EEA1: variants seen among roughly 807,000 people sequenced by gnomAD.
EEA1 encodes early endosome antigen 1.
Under a neutral mutation model 209.2 loss-of-function variants are expected in EEA1, and 111 were observed. The observed-to-expected ratio is 0.53, with a 90% CI of 0.45 to 0.62. EEA1 has a LOEUF of 0.62. EEA1 is among the 20% of genes least tolerant of loss of function. The pLI is 0.00. For missense variants in EEA1, 1,343 were observed against 1,530.8 expected (o/e 0.88, Z 2.05); for synonymous variants, 536 against 540.6 (o/e 0.99, Z 0.12).
At chr12:92,917,566 A>G (rs1172633579) in intron 1 of EEA1, among the ~76,000 whole-genome samples, 195 of 151,834 alleles carry the variant, frequency 1.3e-3, no homozygotes, top group African/African-American at 3.8e-3. Flanking sequence ...TCACCACCAG[A>G]CCTGCCCTAA....
chr12:92,898,303 A>G (rs1258272770), intron 1 of EEA1, among the ~76,000 whole-genome samples: 4 of 152,206 alleles, frequency 2.6e-5, no homozygotes, highest in Non-Finnish European at 5.9e-5. Flanking sequence ...TAAAGTACTT[A>G]TGTTCTTTAG....
Position 92,779,240 on chromosome 12 carries a change from C to A in EEA1, c.3529G>T (p.Gly1177Ter). 6.2e-7 allele frequency: 1 copy of A among 1,608,702 alleles called. No homozygotes were observed. Among genetic ancestry groups the A allele is most frequent in the Admixed American group, 1.7e-5 (1 of 58,636 alleles). The change falls in exon 25 of 29, where the codon GGA (glycine) becomes TGA (stop). Residue 1177 changes from glycine (G) to a stop codon, truncating the protein, a stop_gained. Transcript: ENST00000322349. LOFTEE classifies it high-confidence loss of function. ...LLIQQKLELQ[G>*]KADSLKAAVE... is the part of the protein sequence containing the mutation. ...GCTGCCTTCAGGGAGTCCGCTTTTCCTTGAAGTTCTAATTTCTGCTGAATT... is the reference window on the plus strand; with the variant it reads ...GCTGCCTTCAGGGAGTCCGCTTTTCATTGAAGTTCTAATTTCTGCTGAATT...
intron 2 of EEA1, among the ~76,000 whole-genome samples, chr12:92,882,926 G>A (rs1206915646): frequency 6.6e-6 from 1 of 152,154 alleles, no homozygotes; most frequent in Non-Finnish European, 1.5e-5. Context: ...GTTTTGTTCA[G>A]ATATATACTC....
chr12:92,848,791 G>A (rs999589044), intron 9 of EEA1, among the ~76,000 whole-genome samples: 1 of 130,340 alleles, frequency 7.7e-6, no homozygotes, highest in Non-Finnish European at 1.6e-5. Context: ...AGAGTGCAGT[G>A]GTGTGATCAT....
At chr12:92,871,433 TTCC>T (rs1469272320) in intron 2 of EEA1, among the ~76,000 whole-genome samples, 1 of 152,218 alleles carries the variant, frequency 6.6e-6, no homozygotes, top group Non-Finnish European at 1.5e-5. Context: ...CATTAAGAAG[TTCC>T]TGTCCTCTTG....
chr12:92,839,815 T>A (rs1877089010), intron 10 of EEA1, among the ~76,000 whole-genome samples: 1 of 152,234 alleles, frequency 6.6e-6, no homozygotes, highest in Admixed American at 6.5e-5. Context: ...AAGAAGTGCT[T>A]GCCAAGGGCA....
At chr12:92,892,329 C>T (rs1879684722) in intron 1 of EEA1, among the ~76,000 whole-genome samples, 1 of 152,062 alleles carries the variant, frequency 6.6e-6, no homozygotes, top group Non-Finnish European at 1.5e-5. Flanking sequence ...TGAGCTCAAA[C>T]GATCTGCCCA....
chr12:92,809,379 G>C (rs540875239), intron 17 of EEA1, among the ~76,000 whole-genome samples: 70 of 151,864 alleles, frequency 4.6e-4, no homozygotes, highest in African/African-American at 1.7e-3. Flanking sequence ...CTGCCACTAA[G>C]TGTTGGTGTT....
At chr12:92,864,566 A>G (rs1442494063) in intron 3 of EEA1, among the ~76,000 whole-genome samples, 1 of 152,218 alleles carries the variant, frequency 6.6e-6, no homozygotes, top group African/African-American at 2.4e-5. Context: ...AGCAAATCGT[A>G]TCATCTTATA....
intron 15 of EEA1, among the ~76,000 whole-genome samples, chr12:92,813,547 C>T (rs1451044474): frequency 6.6e-6 from 1 of 152,088 alleles, no homozygotes. Flanking sequence ...TTCAGTATTC[C>T]CTGATAACTT....
At chr12:92,803,212 A>G (rs1158630136) in intron 18 of EEA1, among the ~76,000 whole-genome samples, 1 of 152,104 alleles carries the variant, frequency 6.6e-6, no homozygotes, top group Non-Finnish European at 1.5e-5. Context: ...CCAGAAAAAA[A>G]TCAAAGAAAG....
rs766309127 is a variant in EEA1, at chr12:92,832,832, G to A, written c.934C>T (p.Leu312=). ...QKNQTLTENL[L]KKEQDYTKLE... is the part of the protein sequence containing the mutation. ...TTAGTATAGTCTTGTTCTTTTTTCA[G>A]CAAGTTTTCTGTCAAGGTCTAAAAT... Residue 312 remains leucine (L), a synonymous_variant, in exon 11 of 29, where the codon CTG becomes TTG. Coordinates refer to ENST00000322349, the MANE Select transcript of EEA1 (RefSeq NM_003566.4). The A allele has an allele frequency of 1.9e-6, 3 of 1,601,654 alleles. No individual in the cohort carries two copies. Among genetic ancestry groups the A allele is most frequent in the Middle Eastern group, 1.7e-4 (1 of 5,992 alleles).
chr12:92,888,061 AC>A (rs1397770966), intron 2 of EEA1, among the ~76,000 whole-genome samples: 1 of 152,204 alleles, frequency 6.6e-6, no homozygotes, highest in Non-Finnish European at 1.5e-5. Context: ...CTTCAATAGA[AC>A]CAAATAGACT....
intron 15 of EEA1, among the ~76,000 whole-genome samples, chr12:92,815,082 C>G (rs567758515): frequency 6.6e-6 from 1 of 152,166 alleles, no homozygotes; most frequent in Middle Eastern, 3.4e-3. Context: ...CTAACACTAG[C>G]TCATAAAGAA....
chr12:92,775,154 G>A lies in EEA1; in HGVS notation c.*857C>T, dbSNP rs1313959835. The A allele has an allele frequency of 2.0e-5, 3 of 151,512 alleles. No individual in the cohort carries two copies. The highest frequency in any genetic ancestry group is 7.3e-5 in the African/African-American group (3 of 41,350). The allele number at this position is 151,512 out of a possible 1,614,324, so 9.4% of individuals were successfully genotyped here. On this transcript the variant is annotated 3_prime_UTR_variant, in exon 29 of 29. Coordinates refer to ENST00000322349, the MANE Select transcript of EEA1 (RefSeq NM_003566.4). ...AAAGACTTCCCACTTACAAGAAACC[G>A]AGAATAAGAACATTATACAATGTTT...
intron 1 of EEA1, among the ~76,000 whole-genome samples, chr12:92,896,240 G>A (rs932506908): frequency 2.0e-5 from 3 of 152,084 alleles, no homozygotes; most frequent in African/African-American, 7.2e-5. Flanking sequence ...CCAAAGTGCC[G>A]GGATTACAGG....
At chr12:92,891,925 C>T (rs1368405068) in intron 1 of EEA1, among the ~76,000 whole-genome samples, 18 of 152,122 alleles carry the variant, frequency 1.2e-4, no homozygotes, top group Non-Finnish European at 1.5e-5. Context: ...TTTTAAGTCA[C>T]TTTAAACAAA....
intron 9 of EEA1, among the ~76,000 whole-genome samples, chr12:92,848,490 A>G (rs1428996186): frequency 1.3e-5 from 2 of 152,086 alleles, no homozygotes; most frequent in African/African-American, 4.8e-5. Flanking sequence ...AAGAAAAACA[A>G]AAAAACTCTA....
chr12:92,785,350 AG>A lies in EEA1; in HGVS notation c.3150+2516del, dbSNP rs145362653. On this transcript the variant is annotated intron_variant, in intron 22 of 28. Transcript: ENST00000322349. The stretch of plus-strand genomic sequence containing the variant: ...CTGGTGTCTAGGTATATACACTGTT[AG>A]CCCATGCTCTACACTGTCAACCCAT... Among the ~76,000 whole-genome samples, 410 of 151,994 alleles carry A rather than the reference AG, an allele frequency of 2.7e-3. 3 individuals carry two copies. The highest frequency in any genetic ancestry group is 9.4e-3 in the African/African-American group (391 of 41,532).
Sources: gnomAD v4.1 joint callset for allele counts (sites outside exome capture counted in the v4.1 genomes callset) on GRCh38, gnomAD v4.1.1 for gene constraint, MANE v1.5 for transcripts, NCBI Gene and HGNC (gene_info 2026-07-23, HGNC 2026-07-21) for gene names.